Variants in AKR1C8 observed in about 807,000 individuals in gnomAD.
AKR1C8 encodes aldo-keto reductase family 1 member C8, also known as aldo-keto reductase family 1 member C-like protein 1.
chr10:5,178,146 T>C, the AKR1C8 span, among the ~76,000 whole-genome samples: 1 of 152,212 alleles, frequency 6.6e-6, no homozygotes, highest in Admixed American at 6.5e-5. Context: ...TACACACTGC[T>C]TTGAATGTGT....
At chr10:5,165,292 G>T in the AKR1C8 span, among the ~76,000 whole-genome samples, 2 of 152,022 alleles carry the variant, frequency 1.3e-5, no homozygotes, top group African/African-American at 4.8e-5. Flanking sequence ...ACATATTATA[G>T]GAACAGCCTA....
At chr10:5,127,232 A>C in the AKR1C8 span, among the ~76,000 whole-genome samples, 1 of 152,146 alleles carries the variant, frequency 6.6e-6, no homozygotes, top group Non-Finnish European at 1.5e-5. Context: ...AAAAAAATTC[A>C]GGATATAAAT....
chr10:5,171,314 G>C, the AKR1C8 span, among the ~76,000 whole-genome samples: 2 of 151,988 alleles, frequency 1.3e-5, no homozygotes, highest in African/African-American at 2.4e-5. Flanking sequence ...AGACACAATT[G>C]ACAAGGATAT....
chr10:5,140,908 A>T, the AKR1C8 span, among the ~76,000 whole-genome samples: 6 of 152,134 alleles, frequency 3.9e-5, no homozygotes, highest in South Asian at 1.2e-3. Flanking sequence ...ATGGTTGCTG[A>T]GTTCTGAAAT....
chr10:5,168,358 T>C, the AKR1C8 span, among the ~76,000 whole-genome samples: 80,018 of 151,744 alleles, frequency 0.53, 22,092 homozygotes, highest in Non-Finnish European at 0.6. Flanking sequence ...CCCTTCTTGT[T>C]CCCATTTTCC....
chr10:5,172,183 A>C, the AKR1C8 span, among the ~76,000 whole-genome samples: 1 of 152,230 alleles, frequency 6.6e-6, no homozygotes, highest in African/African-American at 2.4e-5. Flanking sequence ...TAAAGCATTC[A>C]GGAGGCCTAA....
At chr10:5,168,108 G>T in the AKR1C8 span, among the ~76,000 whole-genome samples, 2 of 151,954 alleles carry the variant, frequency 1.3e-5, no homozygotes, top group African/African-American at 4.8e-5. Flanking sequence ...CCTGAGAAAA[G>T]TGTTAATTTT....
the AKR1C8 span, among the ~76,000 whole-genome samples, chr10:5,158,917 T>G: frequency 6.6e-6 from 1 of 152,330 alleles, no homozygotes; most frequent in East Asian, 1.9e-4. Flanking sequence ...TCCTTTTCTA[T>G]TCGTGTTTGA....
At chr10:5,142,872 C>G in the AKR1C8 span, among the ~76,000 whole-genome samples, 1 of 152,126 alleles carries the variant, frequency 6.6e-6, no homozygotes, top group African/African-American at 2.4e-5. Flanking sequence ...ATGGTACTAA[C>G]AGGCTTGTTC....
At chr10:5,151,105 T>TG in the AKR1C8 span, among the ~76,000 whole-genome samples, 5 of 152,026 alleles carry the variant, frequency 3.3e-5, no homozygotes, top group African/African-American at 1.2e-4. Context: ...AGTTCATGGG[T>TG]GGGGGGCACA....
chr10:5,156,768 A>C, the AKR1C8 span, among the ~76,000 whole-genome samples: 1 of 152,188 alleles, frequency 6.6e-6, no homozygotes, highest in Admixed American at 6.5e-5. Context: ...ATTTTTCCAC[A>C]AGTTAATATA....
chr10:5,122,616 A>C, the AKR1C8 span, among the ~76,000 whole-genome samples: 10 of 152,236 alleles, frequency 6.6e-5, no homozygotes, highest in Admixed American at 4.6e-4. Context: ...ACCTAGACTT[A>C]AGCAAGAGAA....
At chr10:5,139,219 T>C in the AKR1C8 span, among the ~76,000 whole-genome samples, 2 of 152,140 alleles carry the variant, frequency 1.3e-5, no homozygotes, top group African/African-American at 4.8e-5. Flanking sequence ...AAAATGGCCA[T>C]ACTGCCCAAG....
chr10:5,185,012 A>G, the AKR1C8 span: 1 of 534,688 alleles, frequency 1.9e-6, no homozygotes. Context: ...GTCCACTTAC[A>G]TGATCAGGAG....
chr10:5,124,087 G>A, the AKR1C8 span, among the ~76,000 whole-genome samples: 5 of 152,090 alleles, frequency 3.3e-5, no homozygotes, highest in African/African-American at 7.2e-5. Context: ...CACTAGAAGG[G>A]CACACAGCCA....
the AKR1C8 span, among the ~76,000 whole-genome samples, chr10:5,138,797 C>A: frequency 6.6e-6 from 1 of 151,828 alleles, no homozygotes; most frequent in Admixed American, 6.6e-5. Flanking sequence ...TCCTATTCAA[C>A]ATAGGAGCAA....
At chr10:5,150,979 G>T in the AKR1C8 span, among the ~76,000 whole-genome samples, 1 of 152,122 alleles carries the variant, frequency 6.6e-6, no homozygotes, top group Non-Finnish European at 1.5e-5. Context: ...GAAGACTCAG[G>T]GGTTGGAATT....
the AKR1C8 span, among the ~76,000 whole-genome samples, chr10:5,126,050 C>A: frequency 6.6e-6 from 1 of 152,178 alleles, no homozygotes; most frequent in African/African-American, 2.4e-5. Context: ...TGGGAAGTTT[C>A]TTTCAGCAGA....
chr10:5,159,887 T>C, the AKR1C8 span: 1 of 517,992 alleles, frequency 1.9e-6, no homozygotes, highest in East Asian at 5.6e-5. Context: ...GCTCACCTGG[T>C]TGCAGGTGGG....
Sources: gnomAD v4.1 joint callset for allele counts (sites outside exome capture counted in the v4.1 genomes callset) on GRCh38, gnomAD v4.1.1 for gene constraint, MANE v1.5 for transcripts, NCBI Gene and HGNC (gene_info 2026-07-23, HGNC 2026-07-21) for gene names.